Variants in PMFBP1 observed in about 807,000 individuals in gnomAD.
PMFBP1 encodes polyamine modulated factor 1 binding protein 1, also known as polyamine-modulated factor 1-binding protein 1.
In PMFBP1, 131 loss-of-function variants were observed where a neutral mutation model predicts 137.8. The ratio of observed to expected loss-of-function variants is 0.95; its 90% CI spans 0.82 to 1.10. The LOEUF (loss-of-function observed/expected upper bound fraction) is 1.10, where lower values mean the gene tolerates loss of function less well. Among genes scored for constraint, PMFBP1 ranks in the 50% least tolerant of loss-of-function variants. PMFBP1 has a pLI of 0.00. For missense variants in PMFBP1, 1,199 were observed against 1,175.4 expected (o/e 1.02, Z -0.29); for synonymous variants, 490 against 450.4 (o/e 1.09, Z -1.11).
chr16:72,169,799 T>C (rs1010040646), intron 2 of PMFBP1, among the ~76,000 whole-genome samples: 3 of 152,132 alleles, frequency 2.0e-5, no homozygotes, highest in Non-Finnish European at 2.9e-5. Flanking sequence ...ATGTATAATA[T>C]AGAGATAATT....
chr16:72,228,956 G>A, the PMFBP1 span, among the ~76,000 whole-genome samples: 11 of 151,004 alleles, frequency 7.3e-5, no homozygotes, highest in East Asian at 2.0e-4. Context: ...TTTATCACCC[G>A]TAATAAGCAC....
chr16:72,193,664 GA>G, the PMFBP1 span, among the ~76,000 whole-genome samples: 1 of 150,050 alleles, frequency 6.7e-6, no homozygotes, highest in African/African-American at 2.5e-5. Context: ...TACCTACTAT[GA>G]AGAACTTTTC....
the PMFBP1 span, among the ~76,000 whole-genome samples, chr16:72,203,967 G>C: frequency 6.6e-6 from 1 of 152,172 alleles, no homozygotes; most frequent in East Asian, 1.9e-4. Flanking sequence ...AGGGAGGAGA[G>C]CCACCATTCT....
chr16:72,119,942 T>A lies in PMFBP1; in HGVS notation c.2916A>T (p.Lys972Asn). ...CCTTCCAGCCCAAGGTGCCGCACAC[T>A]TTCTCCCTCTGTGTGGACTCCGTTC... ...PSRTESTQREKVCGTLGWKGL... is the reference protein window; with the variant it reads ...PSRTESTQRENVCGTLGWKGL... Residue 972 changes from lysine (K) to asparagine (N), a missense_variant, in exon 20 of 21, where the codon AAA (lysine) becomes AAT (asparagine). Coordinates refer to ENST00000237353, the MANE Select transcript of PMFBP1 (RefSeq NM_031293.3). The A allele has an allele frequency of 6.2e-7, 1 of 1,614,222 alleles. No individual in the cohort carries two copies.
rs556196991 is a variant in PMFBP1 at position 72,139,299 on chromosome 16, T to G, written c.908A>C (p.Asp303Ala). 4 of 1,613,122 alleles carry G rather than the reference T, an allele frequency of 2.5e-6. No individual in the cohort carries two copies. In the East Asian group the frequency reaches 8.9e-5, roughly 36 times the overall value. ...GCAAATTTCTCCCACCTTTTTGATG[T>G]CTTCACACTCTTCTGAGGAGCTAGG... is the stretch of plus-strand genomic sequence containing the variant. ...YPPSSSEECEDIKKILKHLQE... is the reference protein window; with the variant it reads ...YPPSSSEECEAIKKILKHLQE... The change falls in exon 7 of 21, where the codon GAC becomes GCC. Residue 303 changes from aspartate (D) to alanine (A), a missense_variant. Physicochemically the swap from Asp to Ala is moderately radical, Grantham distance 126. Coordinates refer to ENST00000237353, the MANE Select transcript of PMFBP1 (RefSeq NM_031293.3).
chr16:72,154,121 T>TA, intron 4 of PMFBP1, 90 bp downstream of exon 4: 1 of 1,511,986 alleles, frequency 6.6e-7, no homozygotes. Context: ...AAAGCTCTCC[T>TA]AAGTCCAGCG....
At chr16:72,178,176 C>G (rs1001534258), upstream of PMFBP1, among the ~76,000 whole-genome samples, 2 of 152,076 alleles carry the variant, frequency 1.3e-5, no homozygotes, top group Non-Finnish European at 2.9e-5. Flanking sequence ...TTTCTCTGTG[C>G]TGAGATTGAG....
the PMFBP1 span, among the ~76,000 whole-genome samples, chr16:72,199,255 G>A: frequency 6.7e-6 from 1 of 149,952 alleles, no homozygotes; most frequent in South Asian, 2.1e-4. Context: ...TGACCTCCCC[G>A]CTTTATGAAT....
chr16:72,132,425 T>C (rs775936899), intron 10 of PMFBP1, among the ~76,000 whole-genome samples: 3 of 152,130 alleles, frequency 2.0e-5, no homozygotes, highest in Admixed American at 6.5e-5. Flanking sequence ...GATGAGGGCC[T>C]GAAGAAGATG....
chr16:72,184,009 TAGAAATATTTTCTAGA>T, the PMFBP1 span, among the ~76,000 whole-genome samples: 1 of 152,208 alleles, frequency 6.6e-6, no homozygotes, highest in Admixed American at 6.5e-5. Context: ...TGGCTACCTC[TAGAAATATTTTCTAGA>T]AGCACTTTCT....
the PMFBP1 span, among the ~76,000 whole-genome samples, chr16:72,229,491 T>C: frequency 1.3e-5 from 2 of 152,222 alleles, no homozygotes; most frequent in African/African-American, 4.8e-5. Flanking sequence ...AGCATTCCTT[T>C]TTCTCCACAA....
the PMFBP1 span, among the ~76,000 whole-genome samples, chr16:72,224,012 A>G: frequency 6.6e-6 from 1 of 152,078 alleles, no homozygotes; most frequent in South Asian, 2.1e-4. Context: ...GACACTGGAA[A>G]TGAAGTAAAC....
At chr16:72,204,855 G>T in the PMFBP1 span, among the ~76,000 whole-genome samples, 23 of 152,184 alleles carry the variant, frequency 1.5e-4, no homozygotes, top group Non-Finnish European at 2.8e-4. Flanking sequence ...CTAGCCACGG[G>T]TGACTATTGA....
chr16:72,219,281 A>C, the PMFBP1 span, among the ~76,000 whole-genome samples: 1 of 152,196 alleles, frequency 6.6e-6, no homozygotes, highest in South Asian at 2.1e-4. Context: ...TGTATTAGAA[A>C]GACAGTGCCC....
chr16:72,156,290 T>G (rs562707333), intron 3 of PMFBP1, among the ~76,000 whole-genome samples: 35 of 152,018 alleles, frequency 2.3e-4, no homozygotes, highest in Admixed American at 5.2e-4. Flanking sequence ...CCTGGCTGCA[T>G]AATGTTTTTG....
At chr16:72,120,936 C>T (rs1257999248) in intron 19 of PMFBP1, among the ~76,000 whole-genome samples, 2 of 152,152 alleles carry the variant, frequency 1.3e-5, no homozygotes, top group African/African-American at 2.4e-5. Context: ...TATGTGTCAA[C>T]GCTTAGTACC....
upstream of PMFBP1, among the ~76,000 whole-genome samples, chr16:72,173,434 T>C (rs1248032071): frequency 6.6e-6 from 1 of 152,350 alleles, no homozygotes. Context: ...TCATCCGCTA[T>C]GGAGTTACAC....
At chr16:72,189,324 G>A in the PMFBP1 span, among the ~76,000 whole-genome samples, 1 of 152,156 alleles carries the variant, frequency 6.6e-6, no homozygotes, top group Non-Finnish European at 1.5e-5. Context: ...ACATGCTGCC[G>A]TCCCTTTAAG....
chr16:72,153,921 T>TACACACACACAC (rs3223525), intron 4 of PMFBP1, among the ~76,000 whole-genome samples: 17 of 133,948 alleles, frequency 1.3e-4, no homozygotes, highest in South Asian at 2.7e-4. Context: ...GATGGACTTA[T>TACACACACACAC]ACACACACAC....
Sources: gnomAD v4.1 joint callset for allele counts (sites outside exome capture counted in the v4.1 genomes callset) on GRCh38, gnomAD v4.1.1 for gene constraint, MANE v1.5 for transcripts, NCBI Gene and HGNC (gene_info 2026-07-23, HGNC 2026-07-21) for gene names.